The following CA12 variants were observed in gnomAD, a reference collection of about 807,000 sequenced individuals.
The protein encoded by CA12 is carbonic anhydrase 12, also known as carbonate dehydratase XII.
Under a neutral mutation model 46.8 loss-of-function variants are expected in CA12, and 36 were observed. The ratio of observed to expected loss-of-function variants is 0.77; its 90% CI spans 0.59 to 1.02. CA12 has a LOEUF of 1.02. Ranked by LOEUF, CA12 falls within the 50% of genes least tolerant of loss-of-function variation. The pLI, the probability that CA12 is intolerant of heterozygous loss-of-function variation, is 0.00. For missense variants in CA12, 436 were observed against 451.4 expected, an observed-to-expected ratio of 0.97 and a Z score of 0.31; for synonymous variants, 202 against 187.0, an observed-to-expected ratio of 1.08 and a Z score of -0.65.
chr15:63,362,743 T>C (rs150564108), intron 2 of CA12, among the ~76,000 whole-genome samples: 1 of 152,366 alleles, frequency 6.6e-6, no homozygotes, highest in East Asian at 1.9e-4. Flanking sequence ...ATATCTTACC[T>C]ATAGCACTCT....
rs578114270 is a variant in CA12, at chr15:63,330,832, C to A, written c.875-2702G>T. On this transcript the variant is annotated intron_variant, in intron 8 of 10. Transcript: ENST00000178638. This position sits in a 1 kb window ranked among gnomAD's most constrained non-coding sequence, Gnocchi z 4.0. ...CCAGTGCTGTGACCTGGGATCTTTG[C>A]TCCTTGAGGACCACTTGTCAAGGCC... 6.6e-6 allele frequency among the ~76,000 whole-genome samples: 1 copy of A among 152,306 alleles called. No homozygotes were observed. Among genetic ancestry groups the A allele is most frequent in the South Asian group, 2.1e-4 (1 of 4,832 alleles).
intron 8 of CA12, among the ~76,000 whole-genome samples, chr15:63,335,888 G>T (rs2038997061): frequency 6.6e-6 from 1 of 152,160 alleles, no homozygotes; most frequent in Non-Finnish European, 1.5e-5. Context: ...CAGCCCCCTG[G>T]GCAGATGAGG....
chr15:63,351,534 C>T (rs1187958951), intron 2 of CA12, among the ~76,000 whole-genome samples: 1 of 152,192 alleles, frequency 6.6e-6, no homozygotes, highest in Non-Finnish European at 1.5e-5. Flanking sequence ...CAAAGGCCCC[C>T]ACATCCCGCC....
In CA12 at chr15:63,333,094, G is replaced by A. The variant is rs1470562539; in HGVS notation, c.875-4964C>T. On this transcript the variant is annotated intron_variant, in intron 8 of 10. Transcript: ENST00000178638. ...GGATGGGGAGGACTTCCAGGAGGAC[G>A]TGATTAGAGTTGGGTCTTGAAAGAA... is the stretch of plus-strand genomic sequence containing the variant. Among the ~76,000 whole-genome samples the A allele has an allele frequency of 2.0e-5, 3 of 152,222 alleles. No individual in the cohort carries two copies. In the South Asian group the frequency reaches 6.2e-4, roughly 31 times the overall value.
chr15:63,363,923 C>T (rs1030227107), intron 2 of CA12, among the ~76,000 whole-genome samples: 1 of 152,170 alleles, frequency 6.6e-6, no homozygotes, highest in Non-Finnish European at 1.5e-5. Context: ...TGCGGTGGCT[C>T]ACGCCTGTAA....
chr15:63,364,332 G>GGAAAAAAAAAAAA (rs777342866), intron 2 of CA12, among the ~76,000 whole-genome samples: 3 of 56,138 alleles, frequency 5.3e-5, no homozygotes, highest in Non-Finnish European at 9.1e-5. Context: ...CCCGTCACTA[G>GGAAAAAAAAAAAA]AAAAAAAAAA....
At position 63,326,001 on chromosome 15, in the gene CA12, T is replaced by C. The variant is rs570416262; in HGVS notation, c.*284A>G. 1 of 453,406 alleles carries C rather than the reference T, an allele frequency of 2.2e-6. No homozygotes were observed. Among genetic ancestry groups the C allele is most frequent in the African/African-American group, 2.0e-5 (1 of 50,802 alleles). 28.1% of individuals were successfully genotyped at this position (453,406 alleles called of 1,614,324 possible). ...TGGCCCACCAGCATGGCTTGGTTTG[T>C]GATTCCAGAATTCAGACCACTTCAC... On this transcript the variant is annotated 3_prime_UTR_variant, in exon 11 of 11. Transcript: ENST00000178638.
chr15:63,327,089 C>T lies in CA12; in HGVS notation c.992+60G>A, dbSNP rs2038876663. On this transcript the variant is annotated intron_variant, in intron 10 of 10. Transcript: ENST00000178638. The surrounding 1 kb of genome is among the most constrained non-coding windows in gnomAD (Gnocchi z 4.5). Reference sequence around the variant, plus strand: ...CATGCCACAAAGCTGCCTTCCCAGGCAGACTAATCATCATGGACACATAGC... The same window carrying T: ...CATGCCACAAAGCTGCCTTCCCAGGTAGACTAATCATCATGGACACATAGC... 2 of 1,464,760 alleles carry T rather than the reference C, an allele frequency of 1.4e-6. No homozygotes were observed. 90.7% of individuals were successfully genotyped at this position (1,464,760 alleles called of 1,614,324 possible). A position where few individuals can be genotyped will look rare whatever the true frequency, so the allele number is the denominator to read the frequency against.
chr15:63,327,077 T>A lies in CA12; in HGVS notation c.992+72A>T. Reference sequence around the variant, plus strand: ...ACTGCGGCTCTTCATGCCACAAAGCTGCCTTCCCAGGCAGACTAATCATCA... The same window carrying A: ...ACTGCGGCTCTTCATGCCACAAAGCAGCCTTCCCAGGCAGACTAATCATCA... On this transcript the variant is annotated intron_variant, in intron 10 of 10. Coordinates refer to ENST00000178638, the MANE Select transcript of CA12 (RefSeq NM_001218.5). The surrounding 1 kb of genome is among the most constrained non-coding windows in gnomAD (Gnocchi z 4.5). The A allele has an allele frequency of 7.2e-7, 1 of 1,390,112 alleles. No homozygotes were observed. The highest frequency in any genetic ancestry group is 1.0e-6 in the Non-Finnish European group (1 of 979,068). The allele number at this position is 1,390,112 out of a possible 1,614,324, so 86.1% of individuals were successfully genotyped here. A position where few individuals can be genotyped will look rare whatever the true frequency, so the allele number is the denominator to read the frequency against.
At chr15:63,352,402 G>A (rs1348501117) in intron 2 of CA12, among the ~76,000 whole-genome samples, 1 of 152,236 alleles carries the variant, frequency 6.6e-6, no homozygotes, top group African/African-American at 2.4e-5. Flanking sequence ...CTGCTATGCA[G>A]ACGGCAAAAG....
intron 2 of CA12, among the ~76,000 whole-genome samples, chr15:63,347,331 G>C (rs934017331): frequency 1.3e-4 from 20 of 152,212 alleles, no homozygotes; most frequent in African/African-American, 4.8e-4. Flanking sequence ...CCTTCCTGAA[G>C]AGAAACCCCT....
chr15:63,352,769 A>G (rs966986000), intron 2 of CA12, among the ~76,000 whole-genome samples: 16 of 152,206 alleles, frequency 1.1e-4, no homozygotes, highest in African/African-American at 3.9e-4. Flanking sequence ...CAGGACAATG[A>G]TAGCTTTTGG....
intron 2 of CA12, among the ~76,000 whole-genome samples, chr15:63,363,049 G>A (rs949907905): frequency 2.0e-5 from 3 of 152,202 alleles, no homozygotes; most frequent in Non-Finnish European, 4.4e-5. Context: ...TGTGCTGTGA[G>A]GAATCACTGC....
chr15:63,374,366 A>T lies in CA12; in HGVS notation c.106+1292T>A, dbSNP rs577749350. Among the ~76,000 whole-genome samples the T allele has an allele frequency of 7.4e-4, 112 of 152,274 alleles. No individual in the cohort carries two copies. The highest frequency in any genetic ancestry group is 2.6e-3 in the African/African-American group (110 of 41,574). On this transcript the variant is annotated intron_variant, in intron 2 of 10. Coordinates refer to ENST00000178638, the MANE Select transcript of CA12 (RefSeq NM_001218.5). This position sits in a 1 kb window ranked among gnomAD's most constrained non-coding sequence, Gnocchi z 4.4. ...CAGGTGAAAGCCCTCCTCCTCCAGG[A>T]GGCCTTCCCTGACCATCTAGCCCTA...
intron 1 of CA12, among the ~76,000 whole-genome samples, chr15:63,376,538 C>T (rs924837166): frequency 1.1e-4 from 11 of 98,842 alleles, no homozygotes; most frequent in Non-Finnish European, 2.1e-4. Context: ...CTGTCTCTCC[C>T]CTCCCACTCT....
intron 8 of CA12, among the ~76,000 whole-genome samples, chr15:63,334,033 T>C (rs1051015994): frequency 3.3e-5 from 5 of 152,020 alleles, no homozygotes; most frequent in Admixed American, 6.5e-5. Flanking sequence ...GGAGGTGAAC[T>C]CAAAGGAACC....
In CA12 at chr15:63,341,225, A is replaced by AT. The variant is rs2039075270; in HGVS notation, c.526-443dup. ...TCAGAAGACATTCCTCTATCTTGGGATAAAAAAAGAATTCATTCCAGGGTA... is the reference window on the plus strand; with the variant it reads ...TCAGAAGACATTCCTCTATCTTGGGATTAAAAAAAGAATTCATTCCAGGGTA... On this transcript the variant is annotated intron_variant, in intron 5 of 10. Coordinates refer to ENST00000178638, the MANE Select transcript of CA12 (RefSeq NM_001218.5). The surrounding 1 kb of genome is among the most constrained non-coding windows in gnomAD (Gnocchi z 5.2). 6.6e-6 allele frequency among the ~76,000 whole-genome samples: 1 copy of AT among 152,124 alleles called. No individual in the cohort carries two copies. The highest frequency in any genetic ancestry group is 6.5e-5 in the Admixed American group (1 of 15,284).
rs2039515358 is a variant in CA12 at position 63,372,086 on chromosome 15, C to A, written c.106+3572G>T. 6.6e-6 allele frequency among the ~76,000 whole-genome samples: 1 copy of A among 152,204 alleles called. No homozygotes were observed. Among genetic ancestry groups the A allele is most frequent in the Non-Finnish European group, 1.5e-5 (1 of 68,028 alleles). On this transcript the variant is annotated intron_variant, in intron 2 of 10. Transcript: ENST00000178638. The surrounding 1 kb of genome is among the most constrained non-coding windows in gnomAD (Gnocchi z 4.5). ...CTGAACGTGCCCACAACCCTTCCTG[C>A]CTCCTTCCGGTCATCTTCATCCCCC...
At chr15:63,347,349 T>C (rs1595782486) in intron 2 of CA12, among the ~76,000 whole-genome samples, 2 of 152,304 alleles carry the variant, frequency 1.3e-5, no homozygotes, top group African/African-American at 4.8e-5. Flanking sequence ...CCTGAGGACA[T>C]TGACTCTTGA....
Sources: gnomAD v4.1 joint callset for allele counts (sites outside exome capture counted in the v4.1 genomes callset) on GRCh38, gnomAD v4.1.1 for gene constraint, Gnocchi (gnomAD v3.1) non-coding constraint, MANE v1.5 for transcripts, NCBI Gene and HGNC (gene_info 2026-07-23, HGNC 2026-07-21) for gene names.